The following KDM2A variants were observed in gnomAD, a reference collection of about 807,000 sequenced individuals.
The protein encoded by KDM2A is lysine-specific demethylase 2A.
KDM2A carries 3 observed loss-of-function variants against 137.3 expected under a neutral mutation model. That is an observed-to-expected ratio of 0.02 (90% CI 0.01 to 0.06). The LOEUF (loss-of-function observed/expected upper bound fraction) is 0.06, where lower values mean the gene tolerates loss of function less well. KDM2A is among the 10% of genes least tolerant of loss of function. The pLI is 1.00. For missense variants in KDM2A, 738 were observed against 1,510.6 expected, an observed-to-expected ratio of 0.49 and a Z score of 8.48; for synonymous variants, 512 against 541.5, an observed-to-expected ratio of 0.95 and a Z score of 0.76.
intron 2 of KDM2A, among the ~76,000 whole-genome samples, chr11:67,149,636 A>G (rs944593470): frequency 6.6e-6 from 1 of 151,824 alleles, no homozygotes; most frequent in African/African-American, 2.4e-5. Flanking sequence ...TTATGCATAC[A>G]TACACATGCA....
At chr11:67,132,504 C>T (rs1298718261) in intron 2 of KDM2A, among the ~76,000 whole-genome samples, 1 of 152,056 alleles carries the variant, frequency 6.6e-6, no homozygotes, top group Non-Finnish European at 1.5e-5. Context: ...CCAGGCTGGT[C>T]TGGAACTCCT....
In KDM2A at chr11:67,252,866, G is replaced by T; in HGVS notation, c.2932+9G>T. On this transcript the variant is annotated intron_variant, in intron 18 of 20. Coordinates refer to ENST00000529006, the MANE Select transcript of KDM2A (RefSeq NM_012308.3). The stretch of plus-strand genomic sequence containing the variant: ...CGTCAATAGGCTGCCAGGTAAGTGA[G>T]CAGCCCTGCCGCTGTCTTTCCAGGG... The T allele has an allele frequency of 1.3e-6, 2 of 1,599,866 alleles. No homozygotes were observed. Among genetic ancestry groups the T allele is most frequent in the Non-Finnish European group, 1.7e-6 (2 of 1,171,168 alleles).
In KDM2A at chr11:67,119,782, T is replaced by TG. The variant is rs1855555246; in HGVS notation, c.-349dup. 1 of 150,760 alleles carries TG rather than the reference T, an allele frequency of 6.6e-6. No homozygotes were observed. The highest frequency in any genetic ancestry group is 2.4e-5 in the African/African-American group (1 of 41,220). The allele number at this position is 150,760 out of a possible 1,614,324, so 9.3% of individuals were successfully genotyped here. Reference sequence around the variant, plus strand: ...GGCTCGGGCCCGGGCTGCTGACCGCTGGCCTGGGGGAGGCGGGGGCGCCCC... The same window carrying TG: ...GGCTCGGGCCCGGGCTGCTGACCGCTGGGCCTGGGGGAGGCGGGGGCGCCCC... On this transcript the variant is annotated 5_prime_UTR_variant, in exon 1 of 21. Coordinates refer to ENST00000529006, the MANE Select transcript of KDM2A (RefSeq NM_012308.3).
intron 2 of KDM2A, among the ~76,000 whole-genome samples, chr11:67,141,681 A>AT (rs1277397094): frequency 3.1e-4 from 23 of 75,238 alleles, no homozygotes; most frequent in African/African-American, 6.3e-4. Flanking sequence ...AAAAAAAAAA[A>AT]AATATATATA....
At chr11:67,149,526 A>G (rs1047357760) in intron 2 of KDM2A, among the ~76,000 whole-genome samples, 5 of 152,062 alleles carry the variant, frequency 3.3e-5, no homozygotes, top group African/African-American at 1.2e-4. Context: ...AATTTTACAG[A>G]TAAGGCTAAA....
chr11:67,180,477 CCTT>C (rs1857067095), intron 3 of KDM2A: 3 of 328,362 alleles, frequency 9.1e-6, no homozygotes, highest in South Asian at 8.4e-5. Flanking sequence ...GCCTCTTCCT[CCTT>C]CTTCTATCCC....
chr11:67,123,913 A>T (rs918079290), intron 2 of KDM2A, among the ~76,000 whole-genome samples: 1 of 151,594 alleles, frequency 6.6e-6, no homozygotes, highest in Admixed American at 6.6e-5. Context: ...CTGACCTCAG[A>T]TGATCCGCCT....
At chr11:67,175,439 A>C (rs1856955776) in intron 2 of KDM2A, among the ~76,000 whole-genome samples, 1 of 152,174 alleles carries the variant, frequency 6.6e-6, no homozygotes, top group Non-Finnish European at 1.5e-5. Context: ...CTCCGAAAAA[A>C]ACCAGCACAC....
chr11:67,144,199 A>C (rs1362216203), intron 2 of KDM2A, among the ~76,000 whole-genome samples: 1 of 150,438 alleles, frequency 6.6e-6, no homozygotes, highest in Non-Finnish European at 1.5e-5. Flanking sequence ...CCTACCTCCC[A>C]AAGTGTTGGG....
intron 6 of KDM2A, among the ~76,000 whole-genome samples, chr11:67,213,407 T>C (rs1258996418): frequency 6.6e-6 from 1 of 152,196 alleles, no homozygotes; most frequent in Non-Finnish European, 1.5e-5. Context: ...AATGTTATAA[T>C]TTAGTGTAAA....
intron 10 of KDM2A, among the ~76,000 whole-genome samples, chr11:67,222,227 G>A (rs1354224955): frequency 2.3e-4 from 23 of 102,058 alleles, no homozygotes; most frequent in Non-Finnish European, 4.5e-4. Flanking sequence ...GCGGCCTTCC[G>A]CAGTGTTTGT....
intron 5 of KDM2A, chr11:67,196,401 C>T (rs1273667430): frequency 2.2e-6 from 1 of 455,992 alleles, no homozygotes; most frequent in East Asian, 6.9e-5. Context: ...TAACCTCTTG[C>T]ATAGCTGGGA....
At chr11:67,240,188 G>C in intron 12 of KDM2A, 1 of 1,530,236 alleles carries the variant, frequency 6.5e-7, no homozygotes, top group East Asian at 2.4e-5. Flanking sequence ...TGAAGGGTCA[G>C]AGCTGGACTG....
At chr11:67,214,143 C>G (rs1011471817) in intron 6 of KDM2A, among the ~76,000 whole-genome samples, 2 of 151,896 alleles carry the variant, frequency 1.3e-5, no homozygotes, top group African/African-American at 2.4e-5. Flanking sequence ...TGGGTTCAAG[C>G]GATTCTCCTG....
intron 5 of KDM2A, among the ~76,000 whole-genome samples, chr11:67,198,775 TTTGTTTTG>T (rs201128327): frequency 0.035 from 4,570 of 130,886 alleles, 103 homozygotes; most frequent in African/African-American, 0.12. Context: ...TTTGTTTTGT[TTTGTTTTG>T]TTTTGTTTTG....
intron 2 of KDM2A, among the ~76,000 whole-genome samples, chr11:67,164,850 C>T (rs997307424): frequency 6.6e-6 from 1 of 152,030 alleles, no homozygotes; most frequent in Non-Finnish European, 1.5e-5. Context: ...CTACCCACCT[C>T]GGCCTCCCAA....
At chr11:67,129,254 G>C (rs1045032596) in intron 2 of KDM2A, among the ~76,000 whole-genome samples, 1 of 152,160 alleles carries the variant, frequency 6.6e-6, no homozygotes, top group Non-Finnish European at 1.5e-5. Flanking sequence ...TTTGGTATTT[G>C]GACCATTTAG....
chr11:67,185,243 A>C (rs1857176470), intron 5 of KDM2A, among the ~76,000 whole-genome samples: 2 of 152,238 alleles, frequency 1.3e-5, no homozygotes, highest in African/African-American at 4.8e-5. Context: ...TTGAACAAGC[A>C]AAAGAATCAG....
intron 2 of KDM2A, among the ~76,000 whole-genome samples, chr11:67,161,391 C>T (rs1010315459): frequency 6.6e-6 from 1 of 152,060 alleles, no homozygotes; most frequent in Non-Finnish European, 1.5e-5. Context: ...GTCTACAGAT[C>T]ATAGGTTATG....
Sources: gnomAD v4.1 joint callset for allele counts (sites outside exome capture counted in the v4.1 genomes callset) on GRCh38, gnomAD v4.1.1 for gene constraint, MANE v1.5 for transcripts, NCBI Gene and HGNC (gene_info 2026-07-23, HGNC 2026-07-21) for gene names.